Variants in ATP7B observed in about 807,000 individuals in gnomAD.
ATP7B encodes the protein ATPase copper transporting beta, also known as copper-transporting ATPase 2.
A neutral mutation model predicts 118.9 loss-of-function variants in ATP7B; 113 were observed. The ratio of observed to expected loss-of-function variants is 0.95; its 90% CI spans 0.82 to 1.11. The LOEUF (loss-of-function observed/expected upper bound fraction) is 1.11, where lower values mean the gene tolerates loss of function less well. Among genes scored for constraint, ATP7B ranks in the 50% most tolerant of loss-of-function variants. The probability of loss-of-function intolerance (pLI) is 0.00; values close to 1 mark genes in which losing one functional copy is unlikely to be tolerated. For synonymous variants in ATP7B, 777 were observed against 727.4 expected, an observed-to-expected ratio of 1.07 and a Z score of -1.10; for missense variants, 1,867 against 1,871.4, an observed-to-expected ratio of 1.00 and a Z score of 0.04.
intron 1 of ATP7B, among the ~76,000 whole-genome samples, chr13:51,983,939 T>C (rs545703642): frequency 6.6e-6 from 1 of 151,940 alleles, no homozygotes; most frequent in Non-Finnish European, 1.5e-5. Context: ...GGTAGATAAA[T>C]CCATGAAGAT....
chr13:51,972,292 T>C (rs1195088468), intron 2 of ATP7B, among the ~76,000 whole-genome samples: 2 of 152,164 alleles, frequency 1.3e-5, no homozygotes, highest in Non-Finnish European at 2.9e-5. Flanking sequence ...AAGATACGAT[T>C]CAGACCTTGG....
rs200656411 is a variant in ATP7B at position 51,946,365 on chromosome 13, C to T, written c.2979G>A (p.Thr993=). 39 of 1,613,310 alleles carry T rather than the reference C, an allele frequency of 2.4e-5. No homozygotes were observed. Among genetic ancestry groups the T allele is most frequent in the East Asian group, 8.9e-5 (4 of 44,882 alleles). Residue 993 remains threonine, a synonymous_variant, in exon 13 of 21, where the codon ACG becomes ACA. Transcript: ENST00000242839. ...CCACCCCGGTGCCCACCATGACAGC[C>T]GTGGGCGTGGCCAGCCCCAGGGAGC... ...CPCSLGLATP[T]AVMVGTGVAA... is the part of the protein sequence containing the mutation.
At chr13:51,996,560 T>C (rs1953218170) in intron 1 of ATP7B, among the ~76,000 whole-genome samples, 1 of 152,210 alleles carries the variant, frequency 6.6e-6, no homozygotes, top group South Asian at 2.1e-4. Context: ...CAGCAGAATG[T>C]ACCAGCAGGG....
chr13:51,963,295 C>G (rs1163956465), intron 5 of ATP7B, among the ~76,000 whole-genome samples: 1 of 152,174 alleles, frequency 6.6e-6, no homozygotes, highest in Non-Finnish European at 1.5e-5. Flanking sequence ...GGTTTGAACA[C>G]CAGTTCTGCT....
intron 1 of ATP7B, among the ~76,000 whole-genome samples, chr13:52,009,909 C>T (rs1953942421): frequency 6.6e-6 from 1 of 152,052 alleles, no homozygotes; most frequent in East Asian, 1.9e-4. Context: ...GGATTAAACG[C>T]GAGAGTGCAC....
At chr13:51,988,772 T>C (rs1205025510) in intron 1 of ATP7B, among the ~76,000 whole-genome samples, 1 of 152,096 alleles carries the variant, frequency 6.6e-6, no homozygotes, top group Non-Finnish European at 1.5e-5. Flanking sequence ...TGGATGAAGC[T>C]GGAAACCACC....
chr13:51,939,257 A>G, intron 16 of ATP7B, 64 bp from the exon 17 acceptor site: 2 of 1,599,834 alleles, frequency 1.3e-6, no homozygotes, highest in Non-Finnish European at 1.7e-6. Context: ...AAGATACCAC[A>G]CTTGCAATGT....
chr13:52,012,113 G>C (rs976479148), upstream of ATP7B: 3 of 540,288 alleles, frequency 5.6e-6, no homozygotes, highest in African/African-American at 1.9e-5. Flanking sequence ...GCGCCCAGGC[G>C]GGGGCTTCTA....
intron 1 of ATP7B, among the ~76,000 whole-genome samples, chr13:51,986,781 C>T (rs9535819): frequency 0.41 from 63,035 of 152,006 alleles, 14,797 homozygotes; most frequent in East Asian, 0.53. Context: ...TATCAATAAA[C>T]GAAATCCATC....
chr13:51,960,505 C>A (rs1322676429), intron 6 of ATP7B, among the ~76,000 whole-genome samples, 183 bp from the exon 7 acceptor site: 1 of 152,144 alleles, frequency 6.6e-6, no homozygotes, highest in Non-Finnish European at 1.5e-5. Flanking sequence ...GAGGGAGCAT[C>A]TAGAGGTCTA....
chr13:51,937,866 C>A (rs917055704), intron 17 of ATP7B, among the ~76,000 whole-genome samples, 187 bp from the exon 18 acceptor site: 1 of 152,240 alleles, frequency 6.6e-6, no homozygotes, highest in African/African-American at 2.4e-5. Context: ...ACACCCTGCA[C>A]TGGTTTAGGC....
At chr13:51,980,545 C>T (rs553883536) in intron 1 of ATP7B, among the ~76,000 whole-genome samples, 1 of 152,156 alleles carries the variant, frequency 6.6e-6, no homozygotes, top group Admixed American at 6.5e-5. Flanking sequence ...AAAACAAAAT[C>T]TCTGGATAAG....
At chr13:52,000,214 T>G (rs1449502515) in intron 1 of ATP7B, among the ~76,000 whole-genome samples, 1 of 152,164 alleles carries the variant, frequency 6.6e-6, no homozygotes, top group Non-Finnish European at 1.5e-5. Flanking sequence ...CAACAAAAAT[T>G]TATTGCTCAC....
At chr13:51,960,463 T>G in intron 6 of ATP7B, 141 bp from the exon 7 acceptor site, 1 of 1,042,958 alleles carries the variant, frequency 9.6e-7, no homozygotes, top group Non-Finnish European at 1.4e-6. Flanking sequence ...AAAATGAAAG[T>G]AAGAACTCTC....
chr13:51,950,133 G>A lies in ATP7B; in HGVS notation c.2604C>T (p.Pro868=), dbSNP rs368902724. 46 of 1,614,040 alleles carry A rather than the reference G, an allele frequency of 2.8e-5. No homozygotes were observed. Among genetic ancestry groups the A allele is most frequent in the Middle Eastern group, 1.6e-4 (1 of 6,084 alleles). ...TAGACCCCGCAATTACAGTGCTTCC[G>A]GGTTTCTTAGTGACTGGCATGGCTT... ...TGEAMPVTKK[P]GSTVIAGSIN... is the part of the protein sequence containing the mutation. The change falls in exon 11 of 21, where the codon CCC becomes CCT. Residue 868 remains proline (P), a synonymous_variant. Coordinates refer to ENST00000242839, the MANE Select transcript of ATP7B (RefSeq NM_000053.4).
At chr13:51,998,984 A>G (rs1953353339) in intron 1 of ATP7B, among the ~76,000 whole-genome samples, 1 of 152,246 alleles carries the variant, frequency 6.6e-6, no homozygotes, top group Non-Finnish European at 1.5e-5. Flanking sequence ...ACAGGAGGGC[A>G]GAGCCTGACA....
intron 1 of ATP7B, among the ~76,000 whole-genome samples, chr13:51,983,542 A>G (rs1400551774): frequency 2.6e-5 from 4 of 152,192 alleles, no homozygotes; most frequent in African/African-American, 9.6e-5. Context: ...TGGATCTCCT[A>G]GCACAGTGCT....
intron 17 of ATP7B, 131 bp from the exon 18 acceptor site, chr13:51,937,810 G>A: frequency 9.5e-7 from 1 of 1,053,674 alleles, no homozygotes; most frequent in Non-Finnish European, 1.4e-6. Context: ...ACCACACCCT[G>A]CAGGTTTGCT....
At chr13:52,005,795 T>C (rs942039378) in intron 1 of ATP7B, among the ~76,000 whole-genome samples, 1 of 152,214 alleles carries the variant, frequency 6.6e-6, no homozygotes, top group Non-Finnish European at 1.5e-5. Context: ...GGTACCAATT[T>C]CTATCTTAGT....
Sources: gnomAD v4.1 joint callset for allele counts (sites outside exome capture counted in the v4.1 genomes callset) on GRCh38, gnomAD v4.1.1 for gene constraint, MANE v1.5 for transcripts, NCBI Gene and HGNC (gene_info 2026-07-23, HGNC 2026-07-21) for gene names.